CDC42BPG: variants seen among roughly 807,000 people sequenced by gnomAD.
CDC42BPG encodes CDC42 binding protein kinase gamma.
In CDC42BPG, 157 loss-of-function variants were observed where a neutral mutation model predicts 192.2. That is an observed-to-expected ratio of 0.82 (90% CI 0.72 to 0.93). The LOEUF (loss-of-function observed/expected upper bound fraction) is 0.93, where lower values mean the gene tolerates loss of function less well. Ranked by LOEUF, CDC42BPG falls within the 40% of genes least tolerant of loss-of-function variation. The pLI is 0.00. For synonymous variants in CDC42BPG, 981 were observed against 918.5 expected (o/e 1.07, Z -1.23); for missense variants, 1,992 against 2,122.1 (o/e 0.94, Z 1.20).
At position 64,832,492 on chromosome 11, in the gene CDC42BPG, G is replaced by A. The variant is rs750174677; in HGVS notation, c.3023C>T (p.Ala1008Val). 1.2e-5 allele frequency: 20 copies of A among 1,614,118 alleles called. No homozygotes were observed. Among genetic ancestry groups the A allele is most frequent in the South Asian group, 2.2e-5 (2 of 91,086 alleles). Residue 1008 changes from alanine (A) to valine (V), a missense_variant, in exon 27 of 37, where the codon GCT becomes GTT. By Grantham distance (64) the Ala-to-Val change is moderately conservative. Around this residue, in one of 2 missense-constraint regions of CDC42BPG, gnomAD observed 1,656 missense variants for 1,844.3 expected, o/e 0.90. Coordinates refer to ENST00000342711, the MANE Select transcript of CDC42BPG (RefSeq NM_017525.3). ...VLDLRDPQFSATPVLASDVIH... is the reference protein window; with the variant it reads ...VLDLRDPQFSVTPVLASDVIH... ...AACATCAGAGGCCAGGACAGGGGTA[G>A]CCGAGAACTGGGGGTCCCTGGGAGG...
intron 18 of CDC42BPG, 77 bp downstream of exon 18, chr11:64,834,772 C>G: frequency 1.4e-6 from 2 of 1,442,136 alleles, no homozygotes; most frequent in Non-Finnish European, 1.9e-6. Flanking sequence ...TAGTGACCTT[C>G]AGTAGCAGGG....
chr11:64,844,258 C>CG, intron 1 of CDC42BPG, 152 bp downstream of exon 1: 3 of 668,556 alleles, frequency 4.5e-6, no homozygotes, highest in Non-Finnish European at 6.6e-6. Context: ...GTGCGGGCCG[C>CG]GGGGGTCCGG....
chr11:64,840,324 C>T, intron 4 of CDC42BPG, 56 bp from the exon 5 acceptor site: 4 of 1,585,740 alleles, frequency 2.5e-6, no homozygotes, highest in South Asian at 1.1e-5. Flanking sequence ...GGCCACTTCA[C>T]CGCGGTCCCG....
chr11:64,835,017 T>TTGGCCCCCCCCCCCCC, intron 17 of CDC42BPG, 30 bp downstream of exon 17: 4 of 1,571,948 alleles, frequency 2.5e-6, no homozygotes, highest in Non-Finnish European at 3.5e-6. Flanking sequence ...TCGCCTGCGT[T>TTGGCCCCCCCCCCCCC]CCCCACCCCG....
At chr11:64,831,378 G>A (rs1942678959) in intron 28 of CDC42BPG, 127 bp downstream of exon 28, 1 of 843,552 alleles carries the variant, frequency 1.2e-6, no homozygotes. Context: ...GCACATACGT[G>A]GTGCAAGGCA....
rs373202253 is a variant in CDC42BPG, at chr11:64,829,972, G to A, written c.3466C>T (p.Arg1156Cys). 6.2e-6 allele frequency: 10 copies of A among 1,612,632 alleles called. No individual in the cohort carries two copies. In the African/African-American group the frequency reaches 1.1e-4, roughly 17 times the overall value. Residue 1156 changes from arginine to cysteine, a missense_variant, in exon 30 of 37, where the codon CGT (arginine) becomes TGT (cysteine). Coordinates refer to ENST00000342711, the MANE Select transcript of CDC42BPG (RefSeq NM_017525.3). ...TCCAGCTCCGCCAGGGCAAAGAGACGCACGCTGGGGCCGCGGCCACACAGC... is the reference window on the plus strand; with the variant it reads ...TCCAGCTCCGCCAGGGCAAAGAGACACACGCTGGGGCCGCGGCCACACAGC... ...VVLCGRGPSV[R>C]LFALAELENI...
Position 64,826,529 on chromosome 11 carries a change from A to G in CDC42BPG, c.4540T>C (p.Ser1514Pro), listed in dbSNP as rs1942424993. Reference protein sequence around the residue: ...PMKRKPWTSLSSESVSCPQGS... With the variant: ...PMKRKPWTSLPSESVSCPQGS... ...TGGGGGCAGGACACAGACTCGCTGG[A>G]CAGGGATGTCCAGGGTTTCCTCTTC... is the stretch of plus-strand genomic sequence containing the variant. The change falls in exon 36 of 37, where the codon TCC becomes CCC. Residue 1514 changes from serine (S) to proline (P), a missense_variant. Ser to Pro is a moderately conservative substitution (Grantham distance 74, BLOSUM62 -1). Transcript: ENST00000342711. 1 of 1,604,640 alleles carries G rather than the reference A, an allele frequency of 6.2e-7. No individual in the cohort carries two copies. The highest frequency in any genetic ancestry group is 8.5e-7 in the Non-Finnish European group (1 of 1,176,184).
rs1440244590 is a variant in CDC42BPG at position 64,840,473 on chromosome 11, T to A, written c.432+80A>T. The A allele has an allele frequency of 4.7e-6, 7 of 1,489,918 alleles. No homozygotes were observed. In the East Asian group the frequency reaches 1.1e-4, roughly 24 times the overall value. The allele number at this position is 1,489,918 out of a possible 1,614,324, so 92.3% of individuals were successfully genotyped here. On this transcript the variant is annotated intron_variant, in intron 4 of 36. Coordinates refer to ENST00000342711, the MANE Select transcript of CDC42BPG (RefSeq NM_017525.3). ...CTTGGTCCCAAGAGGGGTCTCTCTTTGGGCCCAGTGCCCCTGGCCCCAAGG... is the reference window on the plus strand; with the variant it reads ...CTTGGTCCCAAGAGGGGTCTCTCTTAGGGCCCAGTGCCCCTGGCCCCAAGG...
chr11:64,826,987 A>C, intron 34 of CDC42BPG, 63 bp downstream of exon 34: 1 of 1,290,604 alleles, frequency 7.7e-7, no homozygotes. Flanking sequence ...AGAGCTCACC[A>C]CAGAGGCCGG....
At chr11:64,827,640 A>C in intron 31 of CDC42BPG, 29 bp from the exon 32 acceptor site, 1 of 1,606,050 alleles carries the variant, frequency 6.2e-7, no homozygotes, top group Non-Finnish European at 8.5e-7. Context: ...CGGTCAGGCC[A>C]CGCCTCCACC....
chr11:64,837,032 AG>A lies in CDC42BPG; in HGVS notation c.1206-14del. The A allele has an allele frequency of 1.2e-6, 2 of 1,604,704 alleles. No individual in the cohort carries two copies. The highest frequency in any genetic ancestry group is 1.1e-5 in the South Asian group (1 of 90,930). On this transcript the variant is annotated splice_polypyrimidine_tract_variant and intron_variant, in intron 9 of 36. Transcript: ENST00000342711. Reference sequence around the variant, plus strand: ...CTCAGGACTGTGACTGTAGGGGGACAGGGGCCATGTTTGTTGGTAGAAACCT... The same window carrying A: ...CTCAGGACTGTGACTGTAGGGGGACAGGGCCATGTTTGTTGGTAGAAACCT...
rs995862179 is a variant in CDC42BPG at position 64,827,607 on chromosome 11, C to A, written c.4070G>T (p.Arg1357Leu). The A allele has an allele frequency of 6.2e-7, 1 of 1,608,024 alleles. No individual in the cohort carries two copies. The highest frequency in any genetic ancestry group is 8.5e-7 in the Non-Finnish European group (1 of 1,175,726). The change falls in exon 32 of 37, where the codon CGG becomes CTG. Residue 1357 changes from arginine (R) to leucine (L), a missense_variant. By Grantham distance (102) the Arg-to-Leu change is moderately radical. Around this residue, in one of 2 missense-constraint regions of CDC42BPG, gnomAD observed 336 missense variants for 277.9 expected, o/e 1.21. Transcript: ENST00000342711. ...CAGGGAGCCCTCTGGATTGAGGGGC[C>A]GCACCTGAGGCAGCAGGCACAGCGG... ...WVQTVPLKKV[R>L]PLNPEGSLFL...
chr11:64,834,342 C>T lies in CDC42BPG; in HGVS notation c.2337G>A (p.Glu779=), dbSNP rs1288370094. The T allele has an allele frequency of 1.3e-5, 21 of 1,572,040 alleles. No homozygotes were observed. Among genetic ancestry groups the T allele is most frequent in the Non-Finnish European group, 1.6e-5 (19 of 1,162,846 alleles). ...GCAGGGCCTGGCTCTGCTTCTCGGC[C>T]TCCTGCAGACGGCTGGGGAGAATGG... ...AQLQAERRLQ[E]AEKQSQALQQ... is the part of the protein sequence containing the mutation. The change falls in exon 20 of 37, where the codon GAG becomes GAA. Residue 779 remains glutamate, a synonymous_variant. Transcript: ENST00000342711.
chr11:64,833,322 C>G lies in CDC42BPG; in HGVS notation c.2640G>C (p.Thr880=). The change falls in exon 24 of 37, where the codon ACG becomes ACC. Residue 880 remains threonine, a synonymous_variant. Coordinates refer to ENST00000342711, the MANE Select transcript of CDC42BPG (RefSeq NM_017525.3). ...GGGATGGGAAGCTCCGGGGGCGCAGCGTGTGTGAGCCGGGCTGGGGAGGGG... is the reference window on the plus strand; with the variant it reads ...GGGATGGGAAGCTCCGGGGGCGCAGGGTGTGTGAGCCGGGCTGGGGAGGGG... ...EGLPAKPGSH[T]LRPRSFPSPT... 1 of 1,526,920 alleles carries G rather than the reference C, an allele frequency of 6.5e-7. No individual in the cohort carries two copies. The allele number at this position is 1,526,920 out of a possible 1,614,324, so 94.6% of individuals were successfully genotyped here.
chr11:64,828,778 G>C (rs1237058695), intron 30 of CDC42BPG, among the ~76,000 whole-genome samples: 2 of 152,074 alleles, frequency 1.3e-5, no homozygotes, highest in Non-Finnish European at 2.9e-5. Flanking sequence ...TAGGCTGGAC[G>C]CGTTGGCTAA....
chr11:64,836,602 G>T, intron 11 of CDC42BPG, 72 bp from the exon 12 acceptor site: 1 of 1,432,596 alleles, frequency 7.0e-7, no homozygotes, highest in Non-Finnish European at 9.8e-7. Flanking sequence ...AAGTCTCCTT[G>T]GCCTGTTTCC....
chr11:64,827,609 C>T lies in CDC42BPG; in HGVS notation c.4068G>A (p.Val1356=). Reference sequence around the variant, plus strand: ...GGGAGCCCTCTGGATTGAGGGGCCGCACCTGAGGCAGCAGGCACAGCGGTC... The same window carrying T: ...GGGAGCCCTCTGGATTGAGGGGCCGTACCTGAGGCAGCAGGCACAGCGGTC... ...EWVQTVPLKK[V]RPLNPEGSLF... is the part of the protein sequence containing the mutation. Residue 1356 remains valine, a splice_region_variant and synonymous_variant, in exon 32 of 37, where the codon GTG becomes GTA. Coordinates refer to ENST00000342711, the MANE Select transcript of CDC42BPG (RefSeq NM_017525.3). The T allele has an allele frequency of 6.2e-7, 1 of 1,608,096 alleles. No homozygotes were observed. The highest frequency in any genetic ancestry group is 8.5e-7 in the Non-Finnish European group (1 of 1,175,730).
rs774609554 is a variant in CDC42BPG at position 64,831,648 on chromosome 11, C to T, written c.3161G>A (p.Arg1054Gln). ...ACCCAGCACCTGCAGCCAGCGTTCCCGCTCCCCCTCGCTCTCTGCCAGCAG... is the reference window on the plus strand; with the variant it reads ...ACCCAGCACCTGCAGCCAGCGTTCCTGCTCCCCCTCGCTCTCTGCCAGCAG... ...VLLLAESEGE[R>Q]ERWLQVLGEL... The change falls in exon 28 of 37, where the codon CGG becomes CAG. Residue 1054 changes from arginine (R) to glutamine (Q), a missense_variant. By Grantham distance (43) the Arg-to-Gln change is conservative. Transcript: ENST00000342711. 1.7e-5 allele frequency: 27 copies of T among 1,610,304 alleles called. No individual in the cohort carries two copies. Among genetic ancestry groups the T allele is most frequent in the South Asian group, 7.7e-5 (7 of 90,922 alleles).
At chr11:64,826,832 GC>G in intron 34 of CDC42BPG, 38 bp from the exon 35 acceptor site, 1 of 1,470,094 alleles carries the variant, frequency 6.8e-7, no homozygotes, top group Non-Finnish European at 9.0e-7. Context: ...GGACTAGCAG[GC>G]ACAAGGAGGA....
Sources: allele counts gnomAD v4.1 joint callset (sites outside exome capture counted in the v4.1 genomes callset), GRCh38; gene constraint gnomAD v4.1.1; regional missense constraint gnomAD v4.1.1; transcripts MANE v1.5; gene names NCBI Gene and HGNC (gene_info 2026-07-23, HGNC 2026-07-21).